The following SLC25A48 variants were observed in gnomAD, a reference collection of about 807,000 sequenced individuals.
SLC25A48 encodes the protein solute carrier family 25 member 48, also known as CTC-321K16.1.
In SLC25A48, 29 loss-of-function variants were observed where a neutral mutation model predicts 32.2. The observed-to-expected ratio is 0.90, with a 90% CI of 0.67 to 1.23. SLC25A48 has a LOEUF of 1.23. Among genes scored for constraint, SLC25A48 ranks in the 50% most tolerant of loss-of-function variants. The pLI is 0.00. For missense variants in SLC25A48, 399 were observed against 422.7 expected (o/e 0.94, Z 0.49); for synonymous variants, 164 against 172.3 (o/e 0.95, Z 0.38).
chr5:135,829,129 T>A (rs1758140393), intron 4 of SLC25A48, among the ~76,000 whole-genome samples: 1 of 152,206 alleles, frequency 6.6e-6, no homozygotes, highest in Admixed American at 6.5e-5. Context: ...GAATGCCACA[T>A]GGCAGAAGAT....
At chr5:135,879,609 AGAGTGTGTGTGTGT>A (rs1762308688) in intron 6 of SLC25A48, among the ~76,000 whole-genome samples, 1 of 127,044 alleles carries the variant, frequency 7.9e-6, no homozygotes, top group African/African-American at 4.1e-5. Context: ...AGAGAGAGAG[AGAGTGTGTGTGTGT>A]GTGTGTGTGT....
At chr5:135,600,758 C>T (rs565443262) in intron 1 of SLC25A48, among the ~76,000 whole-genome samples, 1 of 152,156 alleles carries the variant, frequency 6.6e-6, no homozygotes, top group Admixed American at 6.5e-5. Context: ...TCTCGGCTCA[C>T]TGCAACCTCC....
rs575776484 is a variant in SLC25A48, at chr5:135,668,118, AC to A, written c.-521+33164del. ...CATTCACACTCTAAGATGTCATAAT[AC>A]CTAATAAGCAATCATGAATGGTGGT... On this transcript the variant is annotated intron_variant, in intron 3 of 10. Coordinates refer to the SLC25A48 transcript ENST00000646290. Among the ~76,000 whole-genome samples the A allele has an allele frequency of 6.1e-4, 93 of 152,300 alleles. No individual in the cohort carries two copies. In the East Asian group the frequency reaches 8.1e-3, roughly 13 times the overall value.
At chr5:135,773,666 A>G (rs12153067) in intron 3 of SLC25A48, among the ~76,000 whole-genome samples, 45,850 of 151,378 alleles carry the variant, frequency 0.3, 7,100 homozygotes, top group East Asian at 0.46. Context: ...CCTTTGAGAT[A>G]TTGCTTCTAA....
Position 135,834,738 on chromosome 5 carries a change from C to A in SLC25A48, c.-110C>A. The A allele has an allele frequency of 8.1e-7, 1 of 1,228,644 alleles. No individual in the cohort carries two copies. Among genetic ancestry groups the A allele is most frequent in the Non-Finnish European group, 1.1e-6 (1 of 891,664 alleles). The allele number at this position is 1,228,644 out of a possible 1,614,324, so 76.1% of individuals were successfully genotyped here. On this transcript the variant is annotated 5_prime_UTR_variant, in exon 1 of 8. Coordinates refer to ENST00000681962, the MANE Select transcript of SLC25A48 (RefSeq NM_001349336.2). Reference sequence around the variant, plus strand: ...GGTTTGGAGTAGGACCTGCGGCGTGCTCGAGACTCCGACTTCGGTCTTGCG... The same window carrying A: ...GGTTTGGAGTAGGACCTGCGGCGTGATCGAGACTCCGACTTCGGTCTTGCG...
At chr5:135,777,219 C>T (rs775880036) in intron 3 of SLC25A48, among the ~76,000 whole-genome samples, 3 of 151,708 alleles carry the variant, frequency 2.0e-5, no homozygotes, top group Non-Finnish European at 2.9e-5. Context: ...CCTCCAATAT[C>T]GCAGGGAGTG....
At chr5:135,596,935 G>C (rs1214183803) in intron 1 of SLC25A48, among the ~76,000 whole-genome samples, 2 of 152,174 alleles carry the variant, frequency 1.3e-5, no homozygotes, top group South Asian at 2.1e-4. Context: ...CCACTGACTA[G>C]CTGTGTGACC....
At chr5:135,705,581 A>G (rs2126969742) in intron 3 of SLC25A48, among the ~76,000 whole-genome samples, 1 of 152,346 alleles carries the variant, frequency 6.6e-6, no homozygotes, top group South Asian at 2.1e-4. Flanking sequence ...CACTAACATT[A>G]TTTAGTGCCT....
At position 135,674,740 on chromosome 5, in the gene SLC25A48, C is replaced by G. The variant is rs902735089; in HGVS notation, c.-521+39784C>G. ...TACCACATTTTCTTTATCCATTTGTCTGTGGATGGACATTTAGGTTGATTC... is the reference window on the plus strand; with the variant it reads ...TACCACATTTTCTTTATCCATTTGTGTGTGGATGGACATTTAGGTTGATTC... On this transcript the variant is annotated intron_variant, in intron 3 of 10. Coordinates refer to the SLC25A48 transcript ENST00000646290. 4.6e-5 allele frequency among the ~76,000 whole-genome samples: 7 copies of G among 151,962 alleles called. No individual in the cohort carries two copies. The South Asian group carries it at 1.5e-3, about 32-fold the overall frequency.
chr5:135,711,018 C>A (rs1754643601), intron 3 of SLC25A48, among the ~76,000 whole-genome samples: 1 of 152,094 alleles, frequency 6.6e-6, no homozygotes, highest in South Asian at 2.1e-4. Context: ...CACTTAGAAG[C>A]CTCGCCATAA....
Position 135,780,900 on chromosome 5 carries a change from C to T in SLC25A48, c.-520-31623C>T, listed in dbSNP as rs578088385. ...AGAGGATAATATTACTCCCAATATT[C>T]CAGGGAGTGTACATCCCCCCGTAAT... is the stretch of plus-strand genomic sequence containing the variant. On this transcript the variant is annotated intron_variant, in intron 3 of 10. Coordinates refer to the SLC25A48 transcript ENST00000646290. 1.1e-4 allele frequency among the ~76,000 whole-genome samples: 13 copies of T among 115,958 alleles called. 5 individuals carry two copies. In the South Asian group the frequency reaches 4.0e-3, roughly 36 times the overall value. The allele number at this position is 115,958 out of a possible 152,430, so 76.1% of individuals were successfully genotyped here. A position where few individuals can be genotyped will look rare whatever the true frequency, so the allele number is the denominator to read the frequency against.
intron 3 of SLC25A48, among the ~76,000 whole-genome samples, chr5:135,759,829 C>CTT (rs34301836): frequency 3.3e-5 from 4 of 119,508 alleles, no homozygotes; most frequent in Non-Finnish European, 5.4e-5. Flanking sequence ...TATATATCAT[C>CTT]TTTTTTTTTT....
At chr5:135,616,959 ATGT>A (rs1376216303) in intron 1 of SLC25A48, among the ~76,000 whole-genome samples, 1 of 152,112 alleles carries the variant, frequency 6.6e-6, no homozygotes, top group Non-Finnish European at 1.5e-5. Context: ...TATCAGGGTA[ATGT>A]TGGCCTCATA....
chr5:135,735,035 A>G (rs1755328014), intron 3 of SLC25A48, among the ~76,000 whole-genome samples: 1 of 152,134 alleles, frequency 6.6e-6, no homozygotes, highest in South Asian at 2.1e-4. Flanking sequence ...CGAGTTAGAA[A>G]GTCCGATTTC....
intron 3 of SLC25A48, among the ~76,000 whole-genome samples, chr5:135,767,859 C>T (rs1279236819): frequency 6.6e-6 from 1 of 150,418 alleles, no homozygotes; most frequent in Non-Finnish European, 1.5e-5. Context: ...TGTACACCCC[C>T]TTGTGATGTT....
intron 3 of SLC25A48, among the ~76,000 whole-genome samples, chr5:135,709,289 T>A (rs1235525459): frequency 6.6e-6 from 1 of 152,214 alleles, no homozygotes; most frequent in Non-Finnish European, 1.5e-5. Context: ...CTCCCTAGCC[T>A]TGGGCTCTTG....
At chr5:135,607,482 G>A (rs1292288750) in intron 1 of SLC25A48, among the ~76,000 whole-genome samples, 1 of 152,196 alleles carries the variant, frequency 6.6e-6, no homozygotes, top group Non-Finnish European at 1.5e-5. Flanking sequence ...AGGTATAACA[G>A]CGAGGAAGAC....
At position 135,585,330 on chromosome 5, in the gene SLC25A48, C is replaced by T. The variant is rs1023619980; in HGVS notation, c.-849+5733C>T. On this transcript the variant is annotated intron_variant, in intron 1 of 10. Coordinates refer to the SLC25A48 transcript ENST00000646290. ...TCTCCTTGGCTAGGCTGTTTGCTTT[C>T]GTTTGCCTTCCTGAAACTGCGAAGA... 3.9e-5 allele frequency among the ~76,000 whole-genome samples: 6 copies of T among 152,220 alleles called. No homozygotes were observed. In the East Asian group the frequency reaches 5.8e-4, roughly 15 times the overall value.
chr5:135,602,372 T>C (rs1408766104), intron 1 of SLC25A48, among the ~76,000 whole-genome samples: 1 of 152,218 alleles, frequency 6.6e-6, no homozygotes, highest in Non-Finnish European at 1.5e-5. Flanking sequence ...AGACCTGGGA[T>C]GGACCTGGCT....
Sources: gnomAD v4.1 joint callset for allele counts (sites outside exome capture counted in the v4.1 genomes callset) on GRCh38, gnomAD v4.1.1 for gene constraint, MANE v1.5 for transcripts, NCBI Gene and HGNC (gene_info 2026-07-23, HGNC 2026-07-21) for gene names.